SH3KBP1: variants seen among roughly 807,000 people sequenced by gnomAD.
The protein encoded by SH3KBP1 is SH3 domain-containing kinase-binding protein 1.
A neutral mutation model predicts 50.1 loss-of-function variants in SH3KBP1; 8 were observed. The observed-to-expected ratio is 0.16, with a 90% CI of 0.09 to 0.29. The LOEUF (loss-of-function observed/expected upper bound fraction) is 0.29. SH3KBP1 is among the 10% of genes least tolerant of loss of function. The probability of loss-of-function intolerance (pLI) is 1.00; values close to 1 mark genes in which losing one functional copy is unlikely to be tolerated. For missense variants in SH3KBP1, 377 were observed against 535.2 expected, an observed-to-expected ratio of 0.70 and a Z score of 2.92; for synonymous variants, 227 against 218.6, an observed-to-expected ratio of 1.04 and a Z score of -0.34.
chrX:19,687,366 T>G (rs1470352331), intron 5 of SH3KBP1, among the ~76,000 whole-genome samples: 2 of 112,526 alleles, frequency 1.8e-5, no homozygotes, highest in African/African-American at 6.5e-5. Flanking sequence ...GTATGGCTCA[T>G]GCACGCATAT....
chrX:19,767,100 C>T (rs2065643790), intron 2 of SH3KBP1, among the ~76,000 whole-genome samples: 1 of 111,786 alleles, frequency 8.9e-6, no homozygotes, highest in Admixed American at 9.5e-5. Context: ...CAGTGCCTGG[C>T]ATACAGTAAA....
intron 16 of SH3KBP1, among the ~76,000 whole-genome samples, chrX:19,539,955 G>T (rs1280862097): frequency 3.6e-5 from 4 of 111,425 alleles, no homozygotes; most frequent in Non-Finnish European, 7.5e-5. Flanking sequence ...TGGCAGCCCG[G>T]AAGCACAGGG....
At chrX:19,597,379 C>T (rs1279812326) in intron 9 of SH3KBP1, among the ~76,000 whole-genome samples, 1 of 112,005 alleles carries the variant, frequency 8.9e-6, no homozygotes, top group African/African-American at 3.2e-5. Context: ...CTTGTTTTTC[C>T]ATCTATAGAA....
intron 5 of SH3KBP1, among the ~76,000 whole-genome samples, chrX:19,692,669 G>GTATATA (rs1190799937): frequency 1.3e-5 from 1 of 76,202 alleles, no homozygotes; most frequent in African/African-American, 6.1e-5. Context: ...GTGTGTGTGT[G>GTATATA]TATGTATATA....
intron 2 of SH3KBP1, among the ~76,000 whole-genome samples, chrX:19,775,367 G>C (rs891752093): frequency 6.3e-5 from 7 of 111,895 alleles, no homozygotes; most frequent in Non-Finnish European, 1.1e-4. Flanking sequence ...GGGTGGGCTT[G>C]GTTTGCTTTC....
intron 3 of SH3KBP1, among the ~76,000 whole-genome samples, chrX:19,745,839 TCAGA>T (rs1318857508): frequency 4.4e-5 from 5 of 112,808 alleles, no homozygotes; most frequent in Non-Finnish European, 9.4e-5. Context: ...GGTCTTCTGG[TCAGA>T]CAGATGTGTT....
At chrX:19,572,227 T>G (rs1312854202) in intron 12 of SH3KBP1, among the ~76,000 whole-genome samples, 4 of 107,318 alleles carry the variant, frequency 3.7e-5, no homozygotes, top group Non-Finnish European at 7.6e-5. Flanking sequence ...ATGTTATATA[T>G]AGTACATATA....
intron 13 of SH3KBP1, among the ~76,000 whole-genome samples, chrX:19,568,478 C>T (rs1430601147): frequency 8.9e-6 from 1 of 112,070 alleles, no homozygotes; most frequent in Non-Finnish European, 1.9e-5. Flanking sequence ...AAATTAGTCC[C>T]TGAATCTGGA....
intron 5 of SH3KBP1, among the ~76,000 whole-genome samples, chrX:19,688,518 A>G (rs2063216769): frequency 1.8e-5 from 2 of 111,339 alleles, no homozygotes; most frequent in South Asian, 7.6e-4. Context: ...AAGGCTGAAC[A>G]CTTGGCTAAA....
intron 3 of SH3KBP1, among the ~76,000 whole-genome samples, chrX:19,732,120 C>T (rs895904453): frequency 8.1e-5 from 9 of 110,897 alleles, no homozygotes; most frequent in South Asian, 3.7e-4. Context: ...TTTCAATTGA[C>T]GCATAATAAT....
chrX:19,880,653 A>G (rs1603293072), intron 1 of SH3KBP1, among the ~76,000 whole-genome samples: 1 of 112,494 alleles, frequency 8.9e-6, no homozygotes, highest in Middle Eastern at 4.6e-3. Context: ...AGATGGCCAT[A>G]TCCTAATCCC....
intron 1 of SH3KBP1, among the ~76,000 whole-genome samples, chrX:19,842,773 C>T (rs1310220110): frequency 9.1e-6 from 1 of 109,972 alleles, no homozygotes; most frequent in Non-Finnish European, 1.9e-5. Context: ...GTGATCAAAG[C>T]AATGTGACAA....
intron 3 of SH3KBP1, among the ~76,000 whole-genome samples, chrX:19,708,864 C>T (rs2063714830): frequency 8.9e-6 from 1 of 111,833 alleles, no homozygotes; most frequent in Non-Finnish European, 1.9e-5. Context: ...AACCAACACT[C>T]ACAACCACAG....
chrX:19,774,655 AAAGAAAGAAAG>A lies in SH3KBP1; in HGVS notation c.163-28225_163-28215del, dbSNP rs1166957641. ...CACTGCACTCCCCTGTCTCAAAAAA[AAAGAAAGAAAG>A]AAAGAAAGAAAGAAAGAAAGAAAGA... On this transcript the variant is annotated intron_variant, in intron 2 of 17. Transcript: ENST00000397821. 1.7e-3 allele frequency among the ~76,000 whole-genome samples: 16 copies of A among 9,355 alleles called. 1 individual carries two copies. Among genetic ancestry groups the A allele is most frequent in the African/African-American group, 0.013 (12 of 891 alleles). 8.1% of individuals were successfully genotyped at this position (9,355 alleles called of 115,157 possible). A position where few individuals can be genotyped will look rare whatever the true frequency, so the allele number is the denominator to read the frequency against.
At chrX:19,817,233 T>C (rs1024351677) in intron 2 of SH3KBP1, among the ~76,000 whole-genome samples, 3 of 112,299 alleles carry the variant, frequency 2.7e-5, no homozygotes, top group Non-Finnish European at 3.8e-5. Flanking sequence ...TTTTTCAAAA[T>C]TGTTTTCAAA....
intron 8 of SH3KBP1, among the ~76,000 whole-genome samples, chrX:19,623,151 T>G (rs1444439019): frequency 9.0e-6 from 1 of 110,743 alleles, no homozygotes; most frequent in East Asian, 2.8e-4. Context: ...AATCATGATG[T>G]ATTTTGGACA....
At chrX:19,860,768 A>T (rs1466144434) in intron 1 of SH3KBP1, among the ~76,000 whole-genome samples, 2 of 111,896 alleles carry the variant, frequency 1.8e-5, no homozygotes, top group East Asian at 5.6e-4. Flanking sequence ...AGACTAGGAG[A>T]AATAACTAAA....
At chrX:19,868,010 G>A (rs1281754940) in intron 1 of SH3KBP1, among the ~76,000 whole-genome samples, 1 of 111,464 alleles carries the variant, frequency 9.0e-6, no homozygotes, top group Non-Finnish European at 1.9e-5. Context: ...ATAGGAGGGG[G>A]ATGCAAACGT....
intron 6 of SH3KBP1, among the ~76,000 whole-genome samples, chrX:19,671,716 T>C (rs1365875600): frequency 1.8e-5 from 2 of 111,757 alleles, no homozygotes; most frequent in Non-Finnish European, 3.8e-5. Flanking sequence ...AGTTTCCTTA[T>C]CTATAAAATG....
Sources: gnomAD v4.1 joint callset for allele counts (sites outside exome capture counted in the v4.1 genomes callset) on GRCh38, gnomAD v4.1.1 for gene constraint, MANE v1.5 for transcripts, NCBI Gene and HGNC (gene_info 2026-07-23, HGNC 2026-07-21) for gene names.